GLI3: variants seen among roughly 807,000 people sequenced by gnomAD.
GLI3 encodes transcription activator GLI3.
A neutral mutation model predicts 100.8 loss-of-function variants in GLI3; 20 were observed. The ratio of observed to expected loss-of-function variants is 0.20; its 90% CI spans 0.14 to 0.29. GLI3 has a LOEUF of 0.29. Among genes scored for constraint, GLI3 ranks in the 10% least tolerant of loss-of-function variants. The pLI, the probability that GLI3 is intolerant of heterozygous loss-of-function variation, is 1.00. For missense variants in GLI3, 2,040 were observed against 2,128.5 expected, an observed-to-expected ratio of 0.96 and a Z score of 0.82; for synonymous variants, 938 against 860.5, an observed-to-expected ratio of 1.09 and a Z score of -1.58.
chr7:42,169,429 A>AT (rs71562044), intron 2 of GLI3, among the ~76,000 whole-genome samples: 13,911 of 152,190 alleles, frequency 0.091, 786 homozygotes, highest in African/African-American at 0.16. Flanking sequence ...ACATGATGCT[A>AT]TTTTTTTGTC....
intron 12 of GLI3, among the ~76,000 whole-genome samples, chr7:41,976,928 A>G (rs1326890861): frequency 6.6e-6 from 1 of 152,244 alleles, no homozygotes; most frequent in African/African-American, 2.4e-5. Context: ...TAAAAATAAC[A>G]GTAACACAAC....
intron 4 of GLI3, among the ~76,000 whole-genome samples, chr7:42,072,475 A>C (rs1483423384): frequency 6.6e-6 from 1 of 152,200 alleles, no homozygotes; most frequent in Non-Finnish European, 1.5e-5. Context: ...TCTAACACTA[A>C]AAAACAAAAA....
chr7:42,172,357 C>T (rs1032672654), intron 2 of GLI3: 5 of 578,218 alleles, frequency 8.6e-6, no homozygotes, highest in African/African-American at 5.6e-5. Context: ...AAGAGGGATC[C>T]GCATGTCTTA....
intron 1 of GLI3, among the ~76,000 whole-genome samples, chr7:42,244,283 T>G (rs1788951582): frequency 6.6e-6 from 1 of 152,196 alleles, no homozygotes; most frequent in African/African-American, 2.4e-5. Flanking sequence ...CATATTCCAC[T>G]TACTTTTTAT....
intron 3 of GLI3, among the ~76,000 whole-genome samples, chr7:42,132,915 C>CA (rs199933973): frequency 0.02 from 2,757 of 140,836 alleles, 88 homozygotes; most frequent in African/African-American, 0.063. Flanking sequence ...AAAATGAGCT[C>CA]AAAAAAAAAA....
chr7:42,015,066 A>T (rs1393471943), intron 10 of GLI3, among the ~76,000 whole-genome samples: 1 of 152,228 alleles, frequency 6.6e-6, no homozygotes, highest in East Asian at 1.9e-4. Flanking sequence ...ATAGGATCTC[A>T]TTCTATCCTC....
chr7:42,125,583 T>C (rs753574837), intron 3 of GLI3, among the ~76,000 whole-genome samples: 2 of 152,206 alleles, frequency 1.3e-5, no homozygotes, highest in African/African-American at 2.4e-5. Flanking sequence ...GAGATCCTTT[T>C]ATGTCTTTCT....
At chr7:42,120,959 T>C (rs1436718427) in intron 3 of GLI3, among the ~76,000 whole-genome samples, 1 of 152,318 alleles carries the variant, frequency 6.6e-6, no homozygotes, top group East Asian at 1.9e-4. Context: ...CTCAGAAAGT[T>C]ACAGCTTAAT....
chr7:42,026,540 G>A, intron 7 of GLI3, 128 bp from the exon 8 acceptor site: 1 of 762,674 alleles, frequency 1.3e-6, no homozygotes, highest in Non-Finnish European at 2.3e-6. Flanking sequence ...GAGAAGGTAG[G>A]ATTATTGCCA....
chr7:41,967,968 T>C, intron 13 of GLI3, 45 bp from the exon 14 acceptor site: 1 of 1,489,718 alleles, frequency 6.7e-7, no homozygotes. Context: ...CCAGGGAGGG[T>C]CAAGGAAAGG....
chr7:41,992,671 C>CA (rs1363044159), intron 10 of GLI3, among the ~76,000 whole-genome samples: 1 of 151,672 alleles, frequency 6.6e-6, no homozygotes, highest in Non-Finnish European at 1.5e-5. Context: ...GATAGGGAAA[C>CA]AAAAAAAGAA....
intron 3 of GLI3, among the ~76,000 whole-genome samples, chr7:42,119,937 A>C (rs1403017102): frequency 2.0e-5 from 3 of 152,274 alleles, no homozygotes; most frequent in Middle Eastern, 6.8e-3. Flanking sequence ...GTTCCAGATG[A>C]ATCGAGTCAT....
intron 7 of GLI3, among the ~76,000 whole-genome samples, chr7:42,034,940 C>T (rs1385891990): frequency 6.6e-6 from 1 of 152,084 alleles, no homozygotes; most frequent in African/African-American, 2.4e-5. Context: ...CCCCCATTCC[C>T]CCAGTACAGC....
At chr7:42,200,099 T>C (rs529315484) in intron 2 of GLI3, among the ~76,000 whole-genome samples, 47 of 152,262 alleles carry the variant, frequency 3.1e-4, no homozygotes, top group Non-Finnish European at 5.6e-4. Context: ...ACTACTCAAG[T>C]CATTTTCAGC....
At chr7:41,994,131 G>C (rs1351206581) in intron 10 of GLI3, among the ~76,000 whole-genome samples, 1 of 152,162 alleles carries the variant, frequency 6.6e-6, no homozygotes, top group Non-Finnish European at 1.5e-5. Flanking sequence ...CTTTATCGTA[G>C]GTTTCTCTTG....
chr7:42,247,697 G>A (rs1271052054), intron 1 of GLI3, among the ~76,000 whole-genome samples: 1 of 152,232 alleles, frequency 6.6e-6, no homozygotes, highest in Non-Finnish European at 1.5e-5. Flanking sequence ...ATGGGCAGAA[G>A]CTGCAGTACC....
intron 3 of GLI3, among the ~76,000 whole-genome samples, chr7:42,137,057 AC>A (rs1786445975): frequency 6.6e-6 from 1 of 152,232 alleles, no homozygotes; most frequent in Non-Finnish European, 1.5e-5. Context: ...ACTTAGCTTT[AC>A]CAGGTCTCAG....
chr7:42,158,610 C>A (rs1473361969), intron 2 of GLI3, among the ~76,000 whole-genome samples: 1 of 152,014 alleles, frequency 6.6e-6, no homozygotes, highest in African/African-American at 2.4e-5. Context: ...CTGCCTCAAC[C>A]TCCTGAGTAG....
chr7:42,165,662 C>T (rs1044390730), intron 2 of GLI3, among the ~76,000 whole-genome samples: 1 of 152,178 alleles, frequency 6.6e-6, no homozygotes, highest in African/African-American at 2.4e-5. Context: ...CTATAACTAG[C>T]TGCTAGTGAT....
Sources: gnomAD v4.1 joint callset for allele counts (sites outside exome capture counted in the v4.1 genomes callset) on GRCh38, gnomAD v4.1.1 for gene constraint, MANE v1.5 for transcripts, NCBI Gene and HGNC (gene_info 2026-07-23, HGNC 2026-07-21) for gene names.